ADH5: variants seen among roughly 807,000 people sequenced by gnomAD.
The protein encoded by ADH5 is alcohol dehydrogenase 5 (class III), chi polypeptide.
Under a neutral mutation model 40.3 loss-of-function variants are expected in ADH5, and 32 were observed. That is an observed-to-expected ratio of 0.79 (90% CI 0.60 to 1.07). The LOEUF is 1.07. Among genes scored for constraint, ADH5 ranks in the 50% least tolerant of loss-of-function variants. ADH5 has a pLI of 0.00. For synonymous variants in ADH5, 125 were observed against 154.3 expected (o/e 0.81, Z 1.41); for missense variants, 353 against 460.5 (o/e 0.77, Z 2.14).
At chr4:99,082,265 T>C in intron 2 of ADH5, 149 bp from the exon 3 acceptor site, 1 of 924,092 alleles carries the variant, frequency 1.1e-6, no homozygotes, top group Non-Finnish European at 1.5e-6. Flanking sequence ...AAAATCAGCA[T>C]GTGCTTATAA....
intron 2 of ADH5, among the ~76,000 whole-genome samples, chr4:99,082,851 T>C (rs1728053046): frequency 1.3e-5 from 2 of 152,214 alleles, no homozygotes; most frequent in African/African-American, 4.8e-5. Context: ...TAATTTTTTA[T>C]ATTTTTAGTA....
intron 1 of ADH5, 36 bp from the exon 2 acceptor site, chr4:99,085,252 C>A: frequency 8.6e-7 from 1 of 1,158,044 alleles, no homozygotes; most frequent in Non-Finnish European, 1.2e-6. Context: ...GCTGTTTATC[C>A]TCCTAAACAA....
In ADH5 at chr4:99,082,113, T is replaced by C. The variant is rs757259145; in HGVS notation, c.118A>G (p.Ile40Val). 9 of 1,613,798 alleles carry C rather than the reference T, an allele frequency of 5.6e-6. No individual in the cohort carries two copies. Among genetic ancestry groups the C allele is most frequent in the South Asian group, 3.3e-5 (3 of 91,038 alleles). Residue 40 changes from isoleucine (I) to valine (V), a missense_variant, in exon 3 of 9, where the codon ATT becomes GTT. Coordinates refer to ENST00000296412, the MANE Select transcript of ADH5 (RefSeq NM_000671.4). ...PKAHEVRIKI[I>V]ATAVCHTDAY... ...TCGGTGTGGCAAACCGCAGTGGCAA[T>C]GATCTATCAGGACATTAAAACAACG...
At position 99,086,053 on chromosome 4, in the gene ADH5, C is replaced by T. The variant is rs541099091; in HGVS notation, c.13-837G>A. Among the ~76,000 whole-genome samples the T allele has an allele frequency of 7.9e-5, 12 of 151,916 alleles. No individual in the cohort carries two copies. The South Asian group carries it at 2.5e-3, about 32-fold the overall frequency. The stretch of plus-strand genomic sequence containing the variant: ...CATCGTCTCAAAACAAACAAACAAA[C>T]AAACAAAACTGAGATATGCTATAAA... On this transcript the variant is annotated intron_variant, in intron 1 of 8. Transcript: ENST00000296412.
At chr4:99,081,839 TG>T (rs56220918) in intron 3 of ADH5, 135 bp downstream of exon 3, 2 of 864,630 alleles carry the variant, frequency 2.3e-6, no homozygotes, top group East Asian at 5.4e-5. Flanking sequence ...GCTTCCCAGA[TG>T]AGGAATCAAC....
At chr4:99,073,221 T>C (rs1042550524) in intron 7 of ADH5, among the ~76,000 whole-genome samples, 1 of 152,240 alleles carries the variant, frequency 6.6e-6, no homozygotes, top group Non-Finnish European at 1.5e-5. Flanking sequence ...CTCTATCGCC[T>C]AGGCTGGAGT....
chr4:99,085,556 G>C (rs1728119152), intron 1 of ADH5: 1 of 328,860 alleles, frequency 3.0e-6, no homozygotes, highest in South Asian at 2.9e-5. Context: ...TGGGGTCCAA[G>C]AAATCTGCAT....
rs753167271 is a variant in ADH5, at chr4:99,088,722, C to CG, written c.-23dup. On this transcript the variant is annotated 5_prime_UTR_variant, in exon 1 of 9. An upstream open reading frame in the 5' UTR loses its in-frame stop. Transcript: ENST00000296412. Reference sequence around the variant, plus strand: ...CCATGTTCACGGATTCTGGTCGGCGCGGGGGGCTGACATCCGGGGTGGGCC... The same window carrying CG: ...CCATGTTCACGGATTCTGGTCGGCGCGGGGGGGCTGACATCCGGGGTGGGCC... The CG allele has an allele frequency of 7.9e-6, 11 of 1,400,942 alleles. No individual in the cohort carries two copies. Among genetic ancestry groups the CG allele is most frequent in the South Asian group, 2.4e-5 (2 of 83,872 alleles). The allele number at this position is 1,400,942 out of a possible 1,614,324, so 86.8% of individuals were successfully genotyped here.
rs1043740236 is a variant in ADH5, at chr4:99,071,229, T to G, written c.*1188A>C. 1.3e-5 allele frequency: 2 copies of G among 152,184 alleles called. No homozygotes were observed. The highest frequency in any genetic ancestry group is 4.8e-5 in the African/African-American group (2 of 41,456). 9.4% of individuals were successfully genotyped at this position (152,184 alleles called of 1,614,324 possible). A position where few individuals can be genotyped will look rare whatever the true frequency, so the allele number is the denominator to read the frequency against. On this transcript the variant is annotated 3_prime_UTR_variant, in exon 9 of 9. Coordinates refer to ENST00000296412, the MANE Select transcript of ADH5 (RefSeq NM_000671.4). ...AACGAGAATTGAGGAAAATGCAAAC[T>G]AAAGTCATAATAAAACACCATTCCA...
At chr4:99,087,466 T>C (rs892902658) in intron 1 of ADH5, among the ~76,000 whole-genome samples, 2 of 152,052 alleles carry the variant, frequency 1.3e-5, no homozygotes, top group African/African-American at 4.8e-5. Context: ...GTTTTTAAAA[T>C]TAAATTGCAG....
intron 2 of ADH5, among the ~76,000 whole-genome samples, chr4:99,082,976 G>C (rs765429732): frequency 6.6e-5 from 10 of 152,058 alleles, no homozygotes; most frequent in Non-Finnish European, 1.5e-4. Flanking sequence ...ATGCCCAGCC[G>C]TAACTTATAT....
intron 7 of ADH5, 27 bp from the exon 8 acceptor site, chr4:99,072,738 TCAA>T: frequency 6.3e-7 from 1 of 1,588,714 alleles, no homozygotes; most frequent in Non-Finnish European, 8.5e-7. Context: ...ATTAATTTAT[TCAA>T]CAAATTTCTG....
In ADH5 at chr4:99,088,695, C is replaced by T. The variant is rs772309402; in HGVS notation, c.6G>A (p.Ala2=). 24 of 1,607,732 alleles carry T rather than the reference C, an allele frequency of 1.5e-5. No individual in the cohort carries two copies. The South Asian group carries it at 2.6e-4, about 17-fold the overall frequency. The change falls in exon 1 of 9, where the codon GCG becomes GCA. Residue 2 remains alanine, a synonymous_variant. Transcript: ENST00000296412. M[A]NEVIKCKAAV... is the part of the protein sequence containing the mutation. ...TCCGCTCAACGGGCCCTACCTCGTT[C>T]GCCATGTTCACGGATTCTGGTCGGC...
intron 2 of ADH5, among the ~76,000 whole-genome samples, chr4:99,083,076 G>A (rs780973510): frequency 6.6e-6 from 1 of 152,120 alleles, no homozygotes; most frequent in South Asian, 2.1e-4. Context: ...CACTTACAAC[G>A]TAACAATCTT....
At chr4:99,079,645 A>T (rs1467980920) in intron 4 of ADH5, among the ~76,000 whole-genome samples, 1 of 138,972 alleles carries the variant, frequency 7.2e-6, no homozygotes, top group Non-Finnish European at 1.6e-5. Context: ...TACTTCAATT[A>T]AAAAAAAAAA....
At chr4:99,079,876 C>A in intron 4 of ADH5, 1 of 401,722 alleles carries the variant, frequency 2.5e-6, no homozygotes, top group Non-Finnish European at 4.8e-6. Context: ...TCTTTCCTTA[C>A]TACATGGTTT....
chr4:99,085,568 C>T (rs1728119333), intron 1 of ADH5: 2 of 342,012 alleles, frequency 5.8e-6, no homozygotes, highest in South Asian at 5.2e-5. Flanking sequence ...AATCTGCATG[C>T]TTAACATATG....
chr4:99,084,715 C>T (rs1179661844), intron 2 of ADH5, among the ~76,000 whole-genome samples: 2 of 152,202 alleles, frequency 1.3e-5, no homozygotes, highest in African/African-American at 2.4e-5. Context: ...GCGTGAGGTA[C>T]AAGAACCCTC....
intron 6 of ADH5, 138 bp downstream of exon 6, chr4:99,076,150 AATAG>A (rs1727924041): frequency 2.6e-6 from 2 of 782,460 alleles, no homozygotes; most frequent in East Asian, 5.3e-5. Context: ...TTGTAGTTCA[AATAG>A]ATATTTTCCC....
Sources: allele counts gnomAD v4.1 joint callset (sites outside exome capture counted in the v4.1 genomes callset), GRCh38; gene constraint gnomAD v4.1.1; transcripts MANE v1.5; gene names NCBI Gene and HGNC (gene_info 2026-07-23, HGNC 2026-07-21).